The following OXR1 variants were observed in gnomAD, a reference collection of about 807,000 sequenced individuals.
The protein encoded by OXR1 is oxidation resistance protein 1.
A neutral mutation model predicts 104.6 loss-of-function variants in OXR1; 41 were observed. The ratio of observed to expected loss-of-function variants is 0.39; its 90% CI spans 0.31 to 0.51. OXR1 has a LOEUF of 0.51. OXR1 is among the 20% of genes least tolerant of loss of function. OXR1 has a pLI of 0.77. For synonymous variants in OXR1, 348 were observed against 348.4 expected (o/e 1.00, Z 0.01); for missense variants, 955 against 1,031.9 (o/e 0.93, Z 1.02).
At chr8:106,286,514 A>G (rs1239669749) in intron 1 of OXR1, among the ~76,000 whole-genome samples, 1 of 152,166 alleles carries the variant, frequency 6.6e-6, no homozygotes, top group East Asian at 1.9e-4. Flanking sequence ...CCCTGAGCCA[A>G]AAAGAGTTTG....
chr8:106,484,544 A>T (rs1393817856), intron 2 of OXR1, among the ~76,000 whole-genome samples: 2 of 152,080 alleles, frequency 1.3e-5, no homozygotes, highest in Non-Finnish European at 2.9e-5. Flanking sequence ...AAATATACAG[A>T]TGGCAAATAA....
chr8:106,420,923 A>G (rs116219470), intron 2 of OXR1, among the ~76,000 whole-genome samples: 8 of 152,230 alleles, frequency 5.3e-5, no homozygotes, highest in African/African-American at 1.9e-4. Context: ...AACTGCTACT[A>G]GAGAAGAAAA....
At chr8:106,686,699 A>G (rs943762082) in intron 6 of OXR1, among the ~76,000 whole-genome samples, 34 of 152,180 alleles carry the variant, frequency 2.2e-4, no homozygotes, top group Admixed American at 1.2e-3. Flanking sequence ...ACCACTGATA[A>G]ATTTTTTGAA....
intron 3 of OXR1, among the ~76,000 whole-genome samples, chr8:106,575,801 A>T (rs959409204): frequency 6.6e-6 from 1 of 152,042 alleles, no homozygotes; most frequent in Non-Finnish European, 1.5e-5. Context: ...AGAAGGAAAG[A>T]CTTTAAATTC....
At chr8:106,295,054 T>C (rs910603907) in intron 1 of OXR1, among the ~76,000 whole-genome samples, 2 of 152,198 alleles carry the variant, frequency 1.3e-5, no homozygotes, top group Non-Finnish European at 2.9e-5. Flanking sequence ...TAATAGGATG[T>C]ATAGAATATT....
chr8:106,339,265 G>C (rs901530986), intron 1 of OXR1, among the ~76,000 whole-genome samples: 3 of 151,650 alleles, frequency 2.0e-5, no homozygotes, highest in African/African-American at 7.3e-5. Context: ...GGAGGCTGAG[G>C]AGGGCAGATC....
chr8:106,353,467 G>C (rs959927005), intron 1 of OXR1, among the ~76,000 whole-genome samples: 42 of 151,802 alleles, frequency 2.8e-4, no homozygotes, highest in African/African-American at 9.9e-4. Flanking sequence ...TCCTTCCAAA[G>C]TCCTGGAGTT....
intron 3 of OXR1, among the ~76,000 whole-genome samples, chr8:106,607,779 C>T (rs759444636): frequency 1.3e-5 from 2 of 151,924 alleles, no homozygotes; most frequent in Admixed American, 6.6e-5. Flanking sequence ...CCTAGCAGGT[C>T]GATGTTATTT....
chr8:106,557,252 T>G (rs764409972), intron 3 of OXR1, among the ~76,000 whole-genome samples: 3 of 152,226 alleles, frequency 2.0e-5, no homozygotes, highest in Non-Finnish European at 4.4e-5. Context: ...TTATTGGTAC[T>G]TAAAACCATT....
At chr8:106,690,587 T>C (rs2131281651) in intron 6 of OXR1, among the ~76,000 whole-genome samples, 1 of 151,594 alleles carries the variant, frequency 6.6e-6, no homozygotes, top group East Asian at 1.9e-4. Context: ...TTTTTTTTTT[T>C]TTCCTAGATT....
At chr8:106,468,604 G>A (rs1554578760) in intron 2 of OXR1, among the ~76,000 whole-genome samples, 1 of 151,740 alleles carries the variant, frequency 6.6e-6, no homozygotes, top group Non-Finnish European at 1.5e-5. Flanking sequence ...TCAAGGGGAT[G>A]GTCAGGTAGT....
chr8:106,656,407 T>C (rs1825076204), intron 3 of OXR1: 1 of 152,250 alleles, frequency 6.6e-6, no homozygotes, highest in Admixed American at 6.5e-5. Flanking sequence ...GTCCCTTTTT[T>C]ATAAGGGCAC....
intron 3 of OXR1, among the ~76,000 whole-genome samples, chr8:106,601,713 C>T (rs926068846): frequency 1.3e-5 from 2 of 152,302 alleles, no homozygotes; most frequent in Non-Finnish European, 2.9e-5. Context: ...TACTCTTTTC[C>T]TCCTGCCTAT....
At chr8:106,691,043 AAC>A (rs1355309572) in intron 6 of OXR1, among the ~76,000 whole-genome samples, 3 of 152,006 alleles carry the variant, frequency 2.0e-5, no homozygotes, top group Non-Finnish European at 4.4e-5. Context: ...GGTTTATAAT[AAC>A]ATACAAATCA....
At chr8:106,555,965 A>AG (rs1816251954) in intron 3 of OXR1, among the ~76,000 whole-genome samples, 4 of 120,608 alleles carry the variant, frequency 3.3e-5, no homozygotes, top group Admixed American at 1.8e-4. Flanking sequence ...GGAATATTAA[A>AG]CTATAAAAAG....
chr8:106,303,819 T>C (rs1409188782), intron 1 of OXR1, among the ~76,000 whole-genome samples: 6 of 152,218 alleles, frequency 3.9e-5, no homozygotes, highest in African/African-American at 1.4e-4. Flanking sequence ...CCTTCCAAAA[T>C]TGTGATATCT....
intron 2 of OXR1, among the ~76,000 whole-genome samples, chr8:106,512,349 A>G (rs1812588430): frequency 6.6e-6 from 1 of 152,164 alleles, no homozygotes; most frequent in Non-Finnish European, 1.5e-5. Context: ...TACTGCTTTA[A>G]ATTCCTAAGG....
intron 3 of OXR1, among the ~76,000 whole-genome samples, chr8:106,591,292 TGGGGGGAG>T (rs1443540510): frequency 1.1e-3 from 31 of 29,314 alleles, no homozygotes; most frequent in Non-Finnish European, 1.9e-3. Context: ...TGTTGTGGGG[TGGGGGGAG>T]GGGGGAGGGG....
intron 3 of OXR1, among the ~76,000 whole-genome samples, chr8:106,554,198 G>T (rs1816088199): frequency 1.3e-5 from 2 of 152,328 alleles, no homozygotes; most frequent in South Asian, 4.1e-4. Context: ...TGCCCCGGAT[G>T]TGATATACAG....
Sources: allele counts gnomAD v4.1 joint callset (sites outside exome capture counted in the v4.1 genomes callset), GRCh38; gene constraint gnomAD v4.1.1; transcripts MANE v1.5; gene names NCBI Gene and HGNC (gene_info 2026-07-23, HGNC 2026-07-21).